LINGO2: variants seen among roughly 807,000 people sequenced by gnomAD.
LINGO2 encodes leucine rich repeat and Ig domain containing 2.
LINGO2 carries 14 observed loss-of-function variants against 30.6 expected under a neutral mutation model. The observed-to-expected ratio is 0.46, with a 90% CI of 0.30 to 0.72. The LOEUF (loss-of-function observed/expected upper bound fraction) is 0.72. LINGO2 is among the 30% of genes least tolerant of loss of function. The pLI is 0.07. For synonymous variants in LINGO2, 317 were observed against 288.5 expected (o/e 1.10, Z -1.00); for missense variants, 729 against 751.7 (o/e 0.97, Z 0.35).
At chr9:28,003,460 G>T (rs1822086872) in intron 5 of LINGO2, among the ~76,000 whole-genome samples, 1 of 151,914 alleles carries the variant, frequency 6.6e-6, no homozygotes, top group Admixed American at 6.6e-5. Context: ...TCTTTATTTA[G>T]AAGTTCAATG....
At chr9:28,886,733 T>C in the LINGO2 span, among the ~76,000 whole-genome samples, 6 of 152,150 alleles carry the variant, frequency 3.9e-5, no homozygotes, top group Non-Finnish European at 8.8e-5. Flanking sequence ...GCTAGTGTCA[T>C]CTACAGAATC....
At chr9:28,501,870 A>G (rs1158416736) in intron 1 of LINGO2, among the ~76,000 whole-genome samples, 1 of 152,174 alleles carries the variant, frequency 6.6e-6, no homozygotes, top group African/African-American at 2.4e-5. Flanking sequence ...CAAATTGCCA[A>G]TAAATAGCTA....
chr9:28,149,066 G>A lies in LINGO2; in HGVS notation c.-86-136661C>T, dbSNP rs201863800. ...GGCTAAGCTTCCATGTCTATCTCCT[G>A]AGGCACTGTTGGTGGGTCAGGCTTC... On this transcript the variant is annotated intron_variant, in intron 4 of 5. Transcript: ENST00000379992. 5,054 of 1,534,620 alleles carry A rather than the reference G, an allele frequency of 3.3e-3. 14 individuals carry two copies. Among genetic ancestry groups the A allele is most frequent in the Non-Finnish European group, 3.9e-3 (4,479 of 1,146,868 alleles).
chr9:28,994,763 T>C, the LINGO2 span, among the ~76,000 whole-genome samples: 1 of 152,112 alleles, frequency 6.6e-6, no homozygotes, highest in Non-Finnish European at 1.5e-5. Context: ...AAACAAGCAA[T>C]GAGGAAAAGA....
At chr9:28,175,569 A>G (rs988350281) in intron 4 of LINGO2, among the ~76,000 whole-genome samples, 2 of 152,196 alleles carry the variant, frequency 1.3e-5, no homozygotes, top group African/African-American at 4.8e-5. Flanking sequence ...TTTTGTTATT[A>G]TTCATGTAAT....
At chr9:28,458,093 T>C (rs1564211551) in intron 2 of LINGO2, among the ~76,000 whole-genome samples, 2 of 152,170 alleles carry the variant, frequency 1.3e-5, no homozygotes, top group African/African-American at 2.4e-5. Flanking sequence ...TTGATGCAGA[T>C]TTAGGAATTG....
At chr9:29,196,765 A>G in the LINGO2 span, among the ~76,000 whole-genome samples, 1 of 152,072 alleles carries the variant, frequency 6.6e-6, no homozygotes, top group African/African-American at 2.4e-5. Context: ...TATATGAAAA[A>G]TTTTCTAAAT....
chr9:28,181,144 A>G (rs1168287506), intron 4 of LINGO2, among the ~76,000 whole-genome samples: 1 of 152,170 alleles, frequency 6.6e-6, no homozygotes, highest in Non-Finnish European at 1.5e-5. Flanking sequence ...AAGTACAGGA[A>G]GCCTGCTAGT....
intron 1 of LINGO2, among the ~76,000 whole-genome samples, chr9:28,530,730 T>G (rs1204968111): frequency 6.6e-6 from 1 of 152,122 alleles, no homozygotes; most frequent in Non-Finnish European, 1.5e-5. Flanking sequence ...GTCAGTAATA[T>G]TAAAATGTTC....
At chr9:28,473,194 A>T (rs1011438395) in intron 2 of LINGO2, among the ~76,000 whole-genome samples, 2 of 88,114 alleles carry the variant, frequency 2.3e-5, no homozygotes, top group Non-Finnish European at 4.9e-5. Context: ...CCTTGGTTCT[A>T]CTGATAACTT....
chr9:28,946,289 C>T, the LINGO2 span, among the ~76,000 whole-genome samples: 3 of 151,972 alleles, frequency 2.0e-5, no homozygotes, highest in African/African-American at 7.3e-5. Context: ...AAATGTGCCC[C>T]TACACAGAGA....
At chr9:28,081,838 T>C (rs1457726316) in intron 4 of LINGO2, among the ~76,000 whole-genome samples, 3 of 149,038 alleles carry the variant, frequency 2.0e-5, no homozygotes, top group African/African-American at 2.5e-5. Flanking sequence ...TGTTTTTTTT[T>C]CTAAAGTAAA....
chr9:28,244,777 C>T (rs1303386984), intron 4 of LINGO2, among the ~76,000 whole-genome samples: 1 of 149,438 alleles, frequency 6.7e-6, no homozygotes, highest in Non-Finnish European at 1.5e-5. Context: ...TTGCATAGAC[C>T]AATAACAAGT....
At chr9:28,737,809 T>C in the LINGO2 span, among the ~76,000 whole-genome samples, 4 of 151,996 alleles carry the variant, frequency 2.6e-5, no homozygotes, top group African/African-American at 7.2e-5. Context: ...AGTAAGAGAG[T>C]TATAAAATAC....
chr9:28,305,141 A>T (rs1824294644), intron 3 of LINGO2, among the ~76,000 whole-genome samples: 1 of 152,096 alleles, frequency 6.6e-6, no homozygotes, highest in African/African-American at 2.4e-5. Context: ...GATCATCTCA[A>T]TTGACATACA....
the LINGO2 span, among the ~76,000 whole-genome samples, chr9:28,937,715 G>A: frequency 6.6e-6 from 1 of 152,132 alleles, no homozygotes; most frequent in South Asian, 2.1e-4. Flanking sequence ...TTGCACCTTT[G>A]CATCTGTGGG....
chr9:28,752,553 A>G, the LINGO2 span, among the ~76,000 whole-genome samples: 2 of 152,064 alleles, frequency 1.3e-5, no homozygotes, highest in Non-Finnish European at 2.9e-5. Flanking sequence ...TTTGGTATCA[A>G]AACTCTGTGA....
chr9:28,358,077 T>C (rs747146374), intron 3 of LINGO2, among the ~76,000 whole-genome samples: 1 of 152,144 alleles, frequency 6.6e-6, no homozygotes, highest in Non-Finnish European at 1.5e-5. Flanking sequence ...ATCTAGACTA[T>C]TATAACTACA....
At chr9:28,256,373 C>A (rs1048361768) in intron 4 of LINGO2, among the ~76,000 whole-genome samples, 1 of 151,752 alleles carries the variant, frequency 6.6e-6, no homozygotes, top group Non-Finnish European at 1.5e-5. Flanking sequence ...TTTAAGAGCA[C>A]ATGAAGGACA....
Sources: gnomAD v4.1 joint callset for allele counts (sites outside exome capture counted in the v4.1 genomes callset) on GRCh38, gnomAD v4.1.1 for gene constraint, MANE v1.5 for transcripts, NCBI Gene and HGNC (gene_info 2026-07-23, HGNC 2026-07-21) for gene names.